The following USP43 variants were observed in gnomAD, a reference collection of about 807,000 sequenced individuals.
USP43 encodes ubiquitin carboxyl-terminal hydrolase 43.
Under a neutral mutation model 90.7 loss-of-function variants are expected in USP43, and 33 were observed. The ratio of observed to expected loss-of-function variants is 0.36; its 90% CI spans 0.28 to 0.49. The LOEUF is 0.49. Among genes scored for constraint, USP43 ranks in the 20% least tolerant of loss-of-function variants. The pLI is 0.98. For missense variants in USP43, 1,274 were observed against 1,476.4 expected, an observed-to-expected ratio of 0.86 and a Z score of 2.25; for synonymous variants, 598 against 615.8, an observed-to-expected ratio of 0.97 and a Z score of 0.43.
chr17:9,691,510 T>G (rs2151982124), intron 8 of USP43, among the ~76,000 whole-genome samples: 1 of 152,306 alleles, frequency 6.6e-6, no homozygotes, highest in Non-Finnish European at 1.5e-5. Flanking sequence ...TGTTTCTTTC[T>G]TTTGACTTGT....
chr17:9,681,454 A>T (rs1597844908), intron 6 of USP43, among the ~76,000 whole-genome samples: 1 of 55,752 alleles, frequency 1.8e-5, no homozygotes, highest in South Asian at 9.1e-4. Flanking sequence ...AAATATATAT[A>T]AAATATATTA....
intron 8 of USP43, among the ~76,000 whole-genome samples, chr17:9,692,620 T>C (rs1158497115): frequency 6.6e-6 from 1 of 152,218 alleles, no homozygotes; most frequent in Non-Finnish European, 1.5e-5. Flanking sequence ...AAAGTTAAAA[T>C]ATAATAAACA....
intron 1 of USP43, among the ~76,000 whole-genome samples, chr17:9,648,485 G>A (rs996597374): frequency 6.6e-5 from 10 of 152,234 alleles, no homozygotes; most frequent in Non-Finnish European, 1.5e-4. Flanking sequence ...ACAGGCACAT[G>A]ATTGGAACAG....
At chr17:9,704,141 T>A (rs1343771970) in intron 12 of USP43, among the ~76,000 whole-genome samples, 2 of 152,122 alleles carry the variant, frequency 1.3e-5, no homozygotes, top group East Asian at 3.9e-4. Context: ...TAGGATATAT[T>A]TTTCTCTCTG....
intron 3 of USP43, among the ~76,000 whole-genome samples, chr17:9,669,434 G>T (rs1244146359): frequency 1.3e-5 from 2 of 152,008 alleles, no homozygotes; most frequent in Admixed American, 1.3e-4. Context: ...AATGTGCTTG[G>T]TCCAATAGTT....
In USP43 at chr17:9,646,149, G is replaced by A; in HGVS notation, c.504+13G>A. ...CGCGGAGTTCAAGGTAGGCAGCGCT[G>A]CGCCGCCGACCGCCCTGTCCCCCTG... On this transcript the variant is annotated intron_variant, in intron 1 of 14. Coordinates refer to ENST00000285199, the MANE Select transcript of USP43 (RefSeq NM_153210.5). The A allele has an allele frequency of 2.1e-6, 3 of 1,413,944 alleles. No homozygotes were observed. The highest frequency in any genetic ancestry group is 2.8e-6 in the Non-Finnish European group (3 of 1,087,988). 87.6% of individuals were successfully genotyped at this position (1,413,944 alleles called of 1,614,324 possible). A position where few individuals can be genotyped will look rare whatever the true frequency, so the allele number is the denominator to read the frequency against.
intron 7 of USP43, among the ~76,000 whole-genome samples, chr17:9,684,068 C>CA (rs1914453532): frequency 6.6e-6 from 1 of 151,868 alleles, no homozygotes; most frequent in Non-Finnish European, 1.5e-5. Flanking sequence ...ACCCAGGAGG[C>CA]AAATGTTGCA....
intron 8 of USP43, among the ~76,000 whole-genome samples, chr17:9,688,046 C>T (rs1308316984): frequency 6.6e-6 from 1 of 152,074 alleles, no homozygotes; most frequent in Non-Finnish European, 1.5e-5. Context: ...AGTGCAGTGG[C>T]GTGATCTCGG....
chr17:9,681,781 A>C (rs1056314419), intron 6 of USP43, among the ~76,000 whole-genome samples: 2 of 152,054 alleles, frequency 1.3e-5, no homozygotes, highest in Admixed American at 1.3e-4. Flanking sequence ...GGTGTGAGCC[A>C]CCACACCCGG....
At chr17:9,681,464 A>T (rs11652067) in intron 6 of USP43, among the ~76,000 whole-genome samples, 2,613 of 12,494 alleles carry the variant, frequency 0.21, 95 homozygotes, top group East Asian at 0.5. Context: ...AAAATATATT[A>T]TATATATATA....
At chr17:9,726,692 G>A (rs986230526) in intron 14 of USP43, among the ~76,000 whole-genome samples, 3 of 152,148 alleles carry the variant, frequency 2.0e-5, no homozygotes, top group African/African-American at 7.2e-5. Context: ...GAGCTTCAAT[G>A]TATGAATCTC....
In USP43 at chr17:9,728,875, G is replaced by A. The variant is rs1327141303; in HGVS notation, c.3257G>A (p.Gly1086Asp). The part of the protein sequence containing the change: ...ASRAPRGSAL[G>D]MSQRTVPGEQ... ...AGGGCCCCGAGAGGCAGTGCACTGG[G>A]CATGTCACAAAGGACTGTTCCAGGG... is the stretch of plus-strand genomic sequence containing the variant. Residue 1086 changes from glycine to aspartate, a missense_variant, in exon 15 of 15, where the codon GGC becomes GAC. Physicochemically the swap from Gly to Asp is moderately conservative, Grantham distance 94. Transcript: ENST00000285199. The surrounding 1 kb of genome is among the most constrained non-coding windows in gnomAD (Gnocchi z 6.2). 1 of 1,613,984 alleles carries A rather than the reference G, an allele frequency of 6.2e-7. No individual in the cohort carries two copies. The highest frequency in any genetic ancestry group is 1.7e-5 in the Admixed American group (1 of 60,022).
intron 1 of USP43, among the ~76,000 whole-genome samples, chr17:9,650,737 T>C (rs930715681): frequency 1.3e-5 from 2 of 152,180 alleles, no homozygotes; most frequent in African/African-American, 4.8e-5. Context: ...ATCTATTCCC[T>C]TGGCAATTTT....
chr17:9,662,618 G>T (rs1418674075), intron 2 of USP43, among the ~76,000 whole-genome samples: 1 of 151,974 alleles, frequency 6.6e-6, no homozygotes, highest in Non-Finnish European at 1.5e-5. Context: ...GAACCCTTGA[G>T]CCTCCTAATC....
chr17:9,693,047 A>T, intron 8 of USP43, 80 bp from the exon 9 acceptor site: 1 of 930,366 alleles, frequency 1.1e-6, no homozygotes, highest in Non-Finnish European at 1.7e-6. Context: ...TATATTTTTT[A>T]ATGTATGCGC....
At chr17:9,680,614 C>T (rs944481512) in intron 6 of USP43, among the ~76,000 whole-genome samples, 2 of 152,100 alleles carry the variant, frequency 1.3e-5, no homozygotes, top group African/African-American at 4.8e-5. Flanking sequence ...GATTTCTGGA[C>T]CCTACCCACA....
chr17:9,669,810 G>A (rs1913278411), intron 3 of USP43: 1 of 152,498 alleles, frequency 6.6e-6, no homozygotes, highest in Admixed American at 6.6e-5. Flanking sequence ...GGCCAGAAGT[G>A]GGAATAATCC....
At position 9,728,260 on chromosome 17, in the gene USP43, G is replaced by C. The variant is rs201132961; in HGVS notation, c.2642G>C (p.Arg881Pro). The change falls in exon 15 of 15, where the codon CGG (arginine) becomes CCG (proline). Residue 881 changes from arginine (R) to proline (P), a missense_variant. This residue lies in a region of USP43 where 353 missense variants were observed against 329.7 expected (regional missense o/e 1.07). Coordinates refer to ENST00000285199, the MANE Select transcript of USP43 (RefSeq NM_153210.5). This position sits in a 1 kb window ranked among gnomAD's most constrained non-coding sequence, Gnocchi z 6.2. ...ALPANSEDGGRAIERGPAGVP... is the reference protein window; with the variant it reads ...ALPANSEDGGPAIERGPAGVP... ...CCTGCTAACAGCGAAGATGGTGGGC[G>C]GGCCATTGAAAGAGGTCCAGCCGGG... 6.2e-7 allele frequency: 1 copy of C among 1,613,636 alleles called. No homozygotes were observed. The highest frequency in any genetic ancestry group is 8.5e-7 in the Non-Finnish European group (1 of 1,179,814).
At chr17:9,681,462 T>TATTA (rs1555550104) in intron 6 of USP43, among the ~76,000 whole-genome samples, 1 of 18,578 alleles carries the variant, frequency 5.4e-5, no homozygotes, top group Non-Finnish European at 8.6e-5. Context: ...ATAAAATATA[T>TATTA]TATATATATA....
Sources: allele counts gnomAD v4.1 joint callset (sites outside exome capture counted in the v4.1 genomes callset), GRCh38; gene constraint gnomAD v4.1.1; regional missense constraint gnomAD v4.1.1; non-coding constraint Gnocchi (gnomAD v3.1); transcripts MANE v1.5; gene names NCBI Gene and HGNC (gene_info 2026-07-23, HGNC 2026-07-21).